NRXN3: variants seen among roughly 807,000 people sequenced by gnomAD.
NRXN3 encodes the protein neurexin III.
In NRXN3, 32 loss-of-function variants were observed where a neutral mutation model predicts 137.6. That is an observed-to-expected ratio of 0.23 (90% CI 0.18 to 0.31). The LOEUF is 0.31. Among genes scored for constraint, NRXN3 ranks in the 10% least tolerant of loss-of-function variants. NRXN3 has a pLI of 1.00. For missense variants in NRXN3, 1,574 were observed against 2,062.5 expected (o/e 0.76, Z 4.59); for synonymous variants, 798 against 784.5 (o/e 1.02, Z -0.29).
chr14:79,741,921 TG>T (rs1339563415), intron 19 of NRXN3, among the ~76,000 whole-genome samples: 14 of 152,172 alleles, frequency 9.2e-5, no homozygotes, highest in African/African-American at 3.4e-4. Context: ...CATATAGATT[TG>T]TTGTCTAGAT....
intron 19 of NRXN3, among the ~76,000 whole-genome samples, chr14:79,711,811 A>G (rs1344582292): frequency 6.6e-6 from 1 of 152,058 alleles, no homozygotes; most frequent in Non-Finnish European, 1.5e-5. Flanking sequence ...TATCCAATTA[A>G]TGATGGTGAA....
chr14:78,302,210 C>A (rs1244177744), intron 4 of NRXN3, among the ~76,000 whole-genome samples: 1 of 152,090 alleles, frequency 6.6e-6, no homozygotes, highest in Non-Finnish European at 1.5e-5. Flanking sequence ...CCTACAACAT[C>A]CCATAAAATA....
At chr14:79,396,381 A>G (rs2095027225) in intron 15 of NRXN3, among the ~76,000 whole-genome samples, 2 of 152,092 alleles carry the variant, frequency 1.3e-5, no homozygotes, top group Admixed American at 1.3e-4. Context: ...TATAGAGCCT[A>G]AGTTTGGGGT....
At chr14:78,664,060 G>A (rs1268938381) in intron 6 of NRXN3, among the ~76,000 whole-genome samples, 2 of 152,130 alleles carry the variant, frequency 1.3e-5, no homozygotes, top group East Asian at 1.9e-4. Flanking sequence ...GAGATACAAG[G>A]ACACATTTTT....
chr14:79,771,002 C>T (rs1050089042), intron 19 of NRXN3, among the ~76,000 whole-genome samples: 43 of 152,180 alleles, frequency 2.8e-4, no homozygotes, highest in East Asian at 1.4e-3. Flanking sequence ...AACACCTCTA[C>T]TCAAATAAAC....
chr14:78,246,386 T>C (rs1330306754), intron 2 of NRXN3, among the ~76,000 whole-genome samples: 2 of 152,208 alleles, frequency 1.3e-5, no homozygotes, highest in Non-Finnish European at 1.5e-5. Flanking sequence ...TGTTTTTTTT[T>C]CCTACAAGGT....
intron 14 of NRXN3, among the ~76,000 whole-genome samples, chr14:78,980,946 A>G (rs1244965034): frequency 6.6e-6 from 1 of 152,202 alleles, no homozygotes; most frequent in Admixed American, 6.5e-5. Flanking sequence ...TACCATTCCT[A>G]TACAGGAACT....
At chr14:79,010,272 G>T (rs1306007672) in intron 15 of NRXN3, among the ~76,000 whole-genome samples, 2 of 152,140 alleles carry the variant, frequency 1.3e-5, no homozygotes, top group African/African-American at 2.4e-5. Context: ...ACAGTGACTT[G>T]AGTATATAAT....
intron 15 of NRXN3, among the ~76,000 whole-genome samples, chr14:79,324,523 T>C (rs1384350586): frequency 6.6e-6 from 1 of 152,168 alleles, no homozygotes; most frequent in East Asian, 1.9e-4. Context: ...CTTGTATCAG[T>C]ATTACCTGGC....
chr14:79,299,458 T>C (rs1470232238), intron 15 of NRXN3, among the ~76,000 whole-genome samples: 1 of 152,094 alleles, frequency 6.6e-6, no homozygotes, highest in Non-Finnish European at 1.5e-5. Context: ...GTAATGTCAA[T>C]GCAACTACAG....
chr14:78,397,602 TTTTG>T lies in NRXN3; in HGVS notation c.757+99760_757+99763del, dbSNP rs150656021. On this transcript the variant is annotated intron_variant, in intron 4 of 20. Transcript: ENST00000335750. ...GAGACTATACTCCTTGAAGCACTTT[TTTTG>T]TTTGTTTGTTTGTTTGTGACAGAGT... Among the ~76,000 whole-genome samples, 133 of 151,996 alleles carry T rather than the reference TTTTG, an allele frequency of 8.8e-4. 2 individuals carry two copies. The South Asian group carries it at 0.011, about 12-fold the overall frequency.
At chr14:78,636,236 C>T (rs571714183) in intron 4 of NRXN3, among the ~76,000 whole-genome samples, 70 of 152,162 alleles carry the variant, frequency 4.6e-4, no homozygotes, top group African/African-American at 1.7e-3. Context: ...AATTGGGCTT[C>T]TTTATAATTT....
rs2098610720 is a variant in NRXN3 at position 78,746,968 on chromosome 14, T to C, written c.2044+31829T>C. Among the ~76,000 whole-genome samples the C allele has an allele frequency of 1.3e-5, 2 of 152,180 alleles. 1 individual carries two copies. The highest frequency in any genetic ancestry group is 4.1e-4 in the South Asian group (2 of 4,822). On this transcript the variant is annotated intron_variant, in intron 8 of 20. Transcript: ENST00000335750. ...ACATGGATGCCTGGCTCTGGGCTGATTAATGATCTGTGGTTGTTAAAATCT... is the reference window on the plus strand; with the variant it reads ...ACATGGATGCCTGGCTCTGGGCTGACTAATGATCTGTGGTTGTTAAAATCT...
At chr14:79,303,125 C>T (rs998085201) in intron 15 of NRXN3, among the ~76,000 whole-genome samples, 12 of 151,980 alleles carry the variant, frequency 7.9e-5, no homozygotes, top group African/African-American at 2.9e-4. Flanking sequence ...AAAGCTTGTG[C>T]CCTCCTACTG....
chr14:79,236,401 T>G (rs1333444124), intron 15 of NRXN3, among the ~76,000 whole-genome samples: 1 of 152,178 alleles, frequency 6.6e-6, no homozygotes, highest in Non-Finnish European at 1.5e-5. Flanking sequence ...GAATCATAAT[T>G]TGCTGATAAG....
At chr14:79,694,477 A>T (rs1179473431) in intron 18 of NRXN3, among the ~76,000 whole-genome samples, 3 of 151,950 alleles carry the variant, frequency 2.0e-5, no homozygotes, top group African/African-American at 7.2e-5. Flanking sequence ...GCATTAAGAA[A>T]GATAAAATAG....
At chr14:79,037,563 G>C (rs1379966938) in intron 15 of NRXN3, among the ~76,000 whole-genome samples, 1 of 152,156 alleles carries the variant, frequency 6.6e-6, no homozygotes, top group Non-Finnish European at 1.5e-5. Context: ...AAAGAAAAAG[G>C]AGATTAGTGG....
chr14:79,754,502 TGATATATATATATATATATATA>T (rs1568125001), intron 19 of NRXN3, among the ~76,000 whole-genome samples: 1 of 48,388 alleles, frequency 2.1e-5, no homozygotes, highest in African/African-American at 6.9e-5. Flanking sequence ...CACTCTCTCT[TGATATATATATATATATATATA>T]TATATATATA....
At chr14:79,703,115 A>G (rs529189085) in intron 19 of NRXN3, among the ~76,000 whole-genome samples, 57 of 152,146 alleles carry the variant, frequency 3.7e-4, no homozygotes, top group Non-Finnish European at 7.1e-4. Flanking sequence ...AACTATCCTT[A>G]TAACTAGTCA....
Sources: allele counts gnomAD v4.1 joint callset (sites outside exome capture counted in the v4.1 genomes callset), GRCh38; gene constraint gnomAD v4.1.1; transcripts MANE v1.5; gene names NCBI Gene and HGNC (gene_info 2026-07-23, HGNC 2026-07-21).